The following GAREM1 variants were observed in gnomAD, a reference collection of about 807,000 sequenced individuals.
GAREM1 encodes the protein GRB2-associated and regulator of MAPK protein 1.
GAREM1 carries 26 observed loss-of-function variants against 71.3 expected under a neutral mutation model. That is an observed-to-expected ratio of 0.36 (90% CI 0.27 to 0.51). The LOEUF (loss-of-function observed/expected upper bound fraction) is 0.51, where lower values mean the gene tolerates loss of function less well. Ranked by LOEUF, GAREM1 falls within the 20% of genes least tolerant of loss-of-function variation. The probability of loss-of-function intolerance (pLI) is 0.95; values close to 1 mark genes in which losing one functional copy is unlikely to be tolerated. For synonymous variants in GAREM1, 440 were observed against 433.2 expected (o/e 1.02, Z -0.20); for missense variants, 1,026 against 1,103.1 (o/e 0.93, Z 0.99).
intron 3 of GAREM1, among the ~76,000 whole-genome samples, chr18:32,292,582 C>A (rs1465044360): frequency 6.6e-6 from 1 of 152,004 alleles, no homozygotes; most frequent in East Asian, 1.9e-4. Context: ...GGGATGGTTT[C>A]CCCCAAGCTG....
chr18:32,400,208 A>C (rs2144669726), intron 1 of GAREM1, among the ~76,000 whole-genome samples: 1 of 152,330 alleles, frequency 6.6e-6, no homozygotes, highest in East Asian at 1.9e-4. Context: ...TAGACCTAAA[A>C]CCATAAAAAC....
intron 1 of GAREM1, among the ~76,000 whole-genome samples, chr18:32,427,193 T>C (rs1249942804): frequency 6.6e-6 from 1 of 152,170 alleles, no homozygotes; most frequent in Non-Finnish European, 1.5e-5. Context: ...TGAACTAAGA[T>C]AGGGACTTTT....
intron 1 of GAREM1, among the ~76,000 whole-genome samples, chr18:32,415,574 G>T (rs1352050972): frequency 6.6e-6 from 1 of 151,994 alleles, no homozygotes; most frequent in African/African-American, 2.4e-5. Flanking sequence ...TCAACACACG[G>T]AAATCAATCA....
At chr18:32,399,661 C>G (rs113752170) in intron 1 of GAREM1, among the ~76,000 whole-genome samples, 7 of 151,910 alleles carry the variant, frequency 4.6e-5, no homozygotes, top group South Asian at 2.1e-4. Flanking sequence ...CACTGCTCAA[C>G]GAAATAAAAC....
intron 2 of GAREM1, among the ~76,000 whole-genome samples, chr18:32,330,403 A>G (rs112785493): frequency 0.015 from 2,237 of 152,232 alleles, 65 homozygotes; most frequent in African/African-American, 0.051. Flanking sequence ...ATTGGGTACT[A>G]GGCTCACTTA....
intron 2 of GAREM1, 48 bp from the exon 3 acceptor site, chr18:32,310,371 T>G (rs2047306732): frequency 6.3e-6 from 10 of 1,593,768 alleles, no homozygotes; most frequent in Non-Finnish European, 8.6e-6. Flanking sequence ...TATGCTGGAC[T>G]GCTGTTACCA....
chr18:32,310,697 G>A (rs1487090895), intron 2 of GAREM1, among the ~76,000 whole-genome samples: 4 of 152,058 alleles, frequency 2.6e-5, no homozygotes, highest in Non-Finnish European at 2.9e-5. Context: ...GTTGTTGTAC[G>A]AACCACACAT....
intron 1 of GAREM1, among the ~76,000 whole-genome samples, chr18:32,416,328 CA>C (rs2048465906): frequency 6.6e-6 from 1 of 152,090 alleles, no homozygotes; most frequent in Non-Finnish European, 1.5e-5. Flanking sequence ...CAATCCCTAC[CA>C]AAATACCAAT....
At chr18:32,301,339 T>A (rs2047199656) in intron 3 of GAREM1, among the ~76,000 whole-genome samples, 1 of 152,200 alleles carries the variant, frequency 6.6e-6, no homozygotes. Context: ...CATGTGATAT[T>A]TAAATAATCA....
At position 32,424,489 on chromosome 18, in the gene GAREM1, C is replaced by T. The variant is rs560813905; in HGVS notation, c.122-31454G>A. Among the ~76,000 whole-genome samples the T allele has an allele frequency of 5.6e-3, 853 of 152,178 alleles. 6 individuals are homozygous for T. The highest frequency in any genetic ancestry group is 0.02 in the African/African-American group (810 of 41,512). On this transcript the variant is annotated intron_variant, in intron 1 of 5. Transcript: ENST00000269209. ...GAAAGGAAAGAATCATGACTATATT[C>T]CCGGTTGCAAATCAGTATTGCATGT...
intron 2 of GAREM1, among the ~76,000 whole-genome samples, chr18:32,336,922 T>C (rs962674202): frequency 6.6e-6 from 1 of 152,214 alleles, no homozygotes; most frequent in African/African-American, 2.4e-5. Flanking sequence ...ATAATATTAG[T>C]GGCTGTCTGT....
At chr18:32,337,368 T>C (rs1302905333) in intron 2 of GAREM1, among the ~76,000 whole-genome samples, 2 of 152,216 alleles carry the variant, frequency 1.3e-5, no homozygotes, top group Admixed American at 6.5e-5. Flanking sequence ...AGGACAATTC[T>C]TTGAAAAGTT....
chr18:32,352,889 C>T (rs1316980054), intron 2 of GAREM1, among the ~76,000 whole-genome samples: 2 of 152,098 alleles, frequency 1.3e-5, no homozygotes, highest in African/African-American at 4.8e-5. Flanking sequence ...GTTCTCAATG[C>T]CTCCCTTCTA....
chr18:32,411,452 C>T (rs1009221976), intron 1 of GAREM1, among the ~76,000 whole-genome samples: 3 of 151,784 alleles, frequency 2.0e-5, no homozygotes, highest in East Asian at 3.9e-4. Flanking sequence ...CTTCATTGTA[C>T]CAGAAGTTAT....
chr18:32,277,806 C>T (rs911739238), intron 4 of GAREM1, among the ~76,000 whole-genome samples: 2 of 152,124 alleles, frequency 1.3e-5, no homozygotes, highest in African/African-American at 4.8e-5. Context: ...AAATAATGCA[C>T]GAGAATTTGT....
At chr18:32,393,180 GT>G (rs10708225) in intron 1 of GAREM1, 145 bp from the exon 2 acceptor site, 93,115 of 443,320 alleles carry the variant, frequency 0.21, 1,255 homozygotes, top group East Asian at 0.29. Flanking sequence ...CCTCTGAATT[GT>G]TTTTTTTTTT....
rs2047481861 is a variant in GAREM1, at chr18:32,327,137, AG to A, written c.263-16815del. 2.6e-5 allele frequency among the ~76,000 whole-genome samples: 4 copies of A among 152,224 alleles called. No individual in the cohort carries two copies. In the South Asian group the frequency reaches 8.3e-4, roughly 31 times the overall value. On this transcript the variant is annotated intron_variant, in intron 2 of 5. Coordinates refer to ENST00000269209, the MANE Select transcript of GAREM1 (RefSeq NM_001242409.2). ...AATTATGATTTCTGATATTGTACAA[AG>A]GGGATCAACTTTTTCATTTTGTGGC...
chr18:32,344,944 C>T (rs1193590313), intron 2 of GAREM1, among the ~76,000 whole-genome samples: 1 of 152,162 alleles, frequency 6.6e-6, no homozygotes, highest in African/African-American at 2.4e-5. Flanking sequence ...TGCCTGTAAT[C>T]CCAGCTACTC....
chr18:32,370,421 CAAA>C (rs57026913), intron 2 of GAREM1, among the ~76,000 whole-genome samples: 2 of 69,160 alleles, frequency 2.9e-5, no homozygotes, highest in Admixed American at 1.6e-4. Context: ...AACTCTGTTT[CAAA>C]AAAAAAAAAA....
Sources: gnomAD v4.1 joint callset for allele counts (sites outside exome capture counted in the v4.1 genomes callset) on GRCh38, gnomAD v4.1.1 for gene constraint, MANE v1.5 for transcripts, NCBI Gene and HGNC (gene_info 2026-07-23, HGNC 2026-07-21) for gene names.